The following DRP2 variants were observed in gnomAD, a reference collection of about 807,000 sequenced individuals.
DRP2 encodes the protein dystrophin-related protein 2.
A neutral mutation model predicts 78.2 loss-of-function variants in DRP2; 29 were observed. The ratio of observed to expected loss-of-function variants is 0.37; its 90% confidence interval spans 0.28 to 0.51. DRP2 has a LOEUF of 0.51. Ranked by LOEUF, DRP2 falls within the 20% of genes least tolerant of loss-of-function variation. The pLI is 0.94. For synonymous variants in DRP2, 290 were observed against 281.9 expected (o/e 1.03, Z -0.29); for missense variants, 686 against 770.6 (o/e 0.89, Z 1.30).
Position 101,241,352 on chromosome X carries a change from T to C in DRP2, c.560-316T>C, listed in dbSNP as rs754464300. On this transcript the variant is annotated intron_variant, in intron 6 of 23. Transcript: ENST00000395209. ...TGTCAATATCCTGATTGTGATATTA[T>C]ACTGTAGTTTTGCAAGATGTTGTCA... Among the ~76,000 whole-genome samples the C allele has an allele frequency of 3.6e-5, 4 of 112,030 alleles. 1 individual carries two copies. The Admixed American group carries it at 3.8e-4, about 11-fold the overall frequency.
chrX:101,259,252 TAA>T (rs1316757453), intron 22 of DRP2, among the ~76,000 whole-genome samples: 1 of 111,769 alleles, frequency 8.9e-6, no homozygotes, highest in Non-Finnish European at 1.9e-5. Flanking sequence ...ACACACTTCA[TAA>T]ATGTTACCTA....
chrX:101,221,632 T>C lies in DRP2; in HGVS notation c.-167+1486T>C, dbSNP rs191390910. ...CAGCCTCAGCTAAGTAGCTCTGTGC[T>C]CCAGGTCAGATTACCCTTCAAGTCC... On this transcript the variant is annotated intron_variant, in intron 1 of 23. Coordinates refer to ENST00000395209, the MANE Select transcript of DRP2 (RefSeq NM_001939.3). Among the ~76,000 whole-genome samples, 76 of 112,317 alleles carry C rather than the reference T, an allele frequency of 6.8e-4. No individual in the cohort carries two copies. The Middle Eastern group carries it at 0.014, about 20-fold the overall frequency.
At chrX:101,232,256 G>A (rs1303240245) in intron 3 of DRP2, among the ~76,000 whole-genome samples, 1 of 111,159 alleles carries the variant, frequency 9.0e-6, no homozygotes. Context: ...TGTCCTCTCT[G>A]CTCCTGTAGT....
chrX:101,254,946 G>A (rs1294902218), intron 19 of DRP2, 22 bp downstream of exon 19: 2 of 1,208,286 alleles, frequency 1.7e-6, no homozygotes, highest in Non-Finnish European at 2.2e-6. Flanking sequence ...TTTGCGGGAG[G>A]TGGGTAGGAG....
At chrX:101,223,634 C>T (rs979762832) in intron 1 of DRP2, among the ~76,000 whole-genome samples, 1 of 112,427 alleles carries the variant, frequency 8.9e-6, no homozygotes, top group African/African-American at 3.2e-5. Flanking sequence ...TACACTCCCA[C>T]CATCAGTGTA....
In DRP2 at chrX:101,252,625, T is replaced by A; in HGVS notation, c.1886T>A (p.Phe629Tyr). ...CCAAGGTACCGGAGTCTGAAGCAATTCAACGTTGACATCTGCCAGACCTGC... is the reference window on the plus strand; with the variant it reads ...CCAAGGTACCGGAGTCTGAAGCAATACAACGTTGACATCTGCCAGACCTGC... ...KGFRYRSLKQFNVDICQTCFL... is the reference protein window; with the variant it reads ...KGFRYRSLKQYNVDICQTCFL... The change falls in exon 17 of 24, where the codon TTC (phenylalanine) becomes TAC (tyrosine). Residue 629 changes from phenylalanine to tyrosine, a missense_variant. Phe to Tyr is a conservative substitution (Grantham distance 22). Around this residue, in one of 2 missense-constraint regions of DRP2, gnomAD observed 423 missense variants for 531.5 expected, o/e 0.80. Transcript: ENST00000395209. The A allele has an allele frequency of 8.3e-7, 1 of 1,211,484 alleles. No individual in the cohort carries two copies.
In DRP2 at chrX:101,260,642, A is replaced by G; in HGVS notation, c.*21A>G. On this transcript the variant is annotated 3_prime_UTR_variant, in exon 24 of 24. Coordinates refer to ENST00000395209, the MANE Select transcript of DRP2 (RefSeq NM_001939.3). ...CTTGATGGAGCCAGATCCCCATCCTATAGTTCATAGTCCTCTCCTGGTTCC... is the reference window on the plus strand; with the variant it reads ...CTTGATGGAGCCAGATCCCCATCCTGTAGTTCATAGTCCTCTCCTGGTTCC... 3 of 1,198,288 alleles carry G rather than the reference A, an allele frequency of 2.5e-6. No homozygotes were observed. The highest frequency in any genetic ancestry group is 3.4e-6 in the Non-Finnish European group (3 of 889,369).
chrX:101,227,002 TC>T (rs1355487884), intron 2 of DRP2, among the ~76,000 whole-genome samples: 1 of 112,114 alleles, frequency 8.9e-6, no homozygotes, highest in Non-Finnish European at 1.9e-5. Context: ...CTCTGAAGCA[TC>T]CCAAGATGGC....
intron 17 of DRP2, 123 bp from the exon 18 acceptor site, chrX:101,254,302 G>T: frequency 1.1e-6 from 1 of 888,815 alleles, no homozygotes; most frequent in Non-Finnish European, 1.6e-6. Flanking sequence ...TAGGAGCAGG[G>T]TATGGTGGGC....
chrX:101,245,897 G>A (rs6621016), intron 11 of DRP2, among the ~76,000 whole-genome samples: 24 of 111,798 alleles, frequency 2.1e-4, no homozygotes, highest in African/African-American at 7.8e-4. Flanking sequence ...TTGCTAAAAA[G>A]GTAGATCTTA....
chrX:101,249,194 A>G (rs1473420959), intron 14 of DRP2, among the ~76,000 whole-genome samples: 1 of 112,091 alleles, frequency 8.9e-6, no homozygotes, highest in Non-Finnish European at 1.9e-5. Flanking sequence ...GTTAAATTAG[A>G]CGTGGTCCCT....
intron 9 of DRP2, among the ~76,000 whole-genome samples, chrX:101,243,401 A>G (rs182130032): frequency 0.044 from 4,461 of 101,800 alleles, 263 homozygotes; most frequent in African/African-American, 0.16. Context: ...CCGTCTCAAA[A>G]AAAAAAAAAA....
intron 16 of DRP2, 59 bp from the exon 17 acceptor site, chrX:101,252,546 C>T (rs181575306): frequency 1.5e-5 from 14 of 927,803 alleles, no homozygotes; most frequent in South Asian, 1.4e-4. Flanking sequence ...AGGGGAACAG[C>T]GGGGAGGTCA....
intron 9 of DRP2, among the ~76,000 whole-genome samples, chrX:101,243,883 G>A (rs931047014): frequency 2.7e-5 from 3 of 111,690 alleles, no homozygotes; most frequent in African/African-American, 9.8e-5. Flanking sequence ...ATTGAGCAGA[G>A]GTCTAAAGTA....
chrX:101,224,162 G>C, intron 1 of DRP2, among the ~76,000 whole-genome samples: 1 of 76,757 alleles, frequency 1.3e-5, no homozygotes, highest in African/African-American at 5.0e-5. Flanking sequence ...TTTCTCCCAA[G>C]AATAATAAAT....
chrX:101,239,007 G>T lies in DRP2; in HGVS notation c.465G>T (p.Arg155=), dbSNP rs61742259. The change falls in exon 6 of 24, where the codon CGG becomes CGT. Residue 155 remains arginine, a synonymous_variant. Transcript: ENST00000395209. ...HAAFMEEVKS[R]GPYIYSVLES... ...CCTTTATGGAAGAAGTCAAGTCTCGGGGCCCCTACATCTATTCTGTGCTGG... is the reference window on the plus strand; with the variant it reads ...CCTTTATGGAAGAAGTCAAGTCTCGTGGCCCCTACATCTATTCTGTGCTGG... The T allele has an allele frequency of 2.4e-3, 2,850 of 1,208,807 alleles. 58 individuals carry two copies. In the African/African-American group the frequency reaches 0.044, roughly 19 times the overall value.
chrX:101,224,657 C>T lies in DRP2; in HGVS notation c.-113C>T, dbSNP rs1413752326. 1.8e-5 allele frequency: 2 copies of T among 112,518 alleles called. No individual in the cohort carries two copies. Among genetic ancestry groups the T allele is most frequent in the East Asian group, 5.6e-4 (2 of 3,554 alleles). The allele number at this position is 112,518 out of a possible 1,213,427, so 9.3% of individuals were successfully genotyped here. A position where few individuals can be genotyped will look rare whatever the true frequency, so the allele number is the denominator to read the frequency against. ...ATCGTAATAGATAACATTTGAATAT[C>T]TACTAAATGCCAGAAACTATGAATT... is the stretch of plus-strand genomic sequence containing the variant. On this transcript the variant is annotated 5_prime_UTR_variant, in exon 2 of 24. Coordinates refer to ENST00000395209, the MANE Select transcript of DRP2 (RefSeq NM_001939.3).
chrX:101,228,435 T>A (rs191889979), intron 2 of DRP2, among the ~76,000 whole-genome samples: 197 of 112,020 alleles, frequency 1.8e-3, no homozygotes, highest in African/African-American at 6.1e-3. Context: ...AATAATTCTG[T>A]GAGGATGCTA....
At chrX:101,248,066 C>A (rs1428656825) in intron 12 of DRP2, 23 bp from the exon 13 acceptor site, 1 of 1,194,550 alleles carries the variant, frequency 8.4e-7, no homozygotes, top group South Asian at 1.8e-5. Flanking sequence ...TATTTTTTTT[C>A]TCTTCTCTTC....
Sources: gnomAD v4.1 joint callset for allele counts (sites outside exome capture counted in the v4.1 genomes callset) on GRCh38, gnomAD v4.1.1 for gene constraint, gnomAD v4.1.1 regional missense constraint, MANE v1.5 for transcripts, NCBI Gene and HGNC (gene_info 2026-07-23, HGNC 2026-07-21) for gene names.